Variants in MICU1 observed in about 807,000 individuals in gnomAD.
MICU1 encodes the protein mitochondrial calcium uptake 1.
A neutral mutation model predicts 56.8 loss-of-function variants in MICU1; 45 were observed. The ratio of observed to expected loss-of-function variants is 0.79; its 90% CI spans 0.62 to 1.02. MICU1 has a LOEUF of 1.02. MICU1 is among the 50% of genes least tolerant of loss of function. The probability of loss-of-function intolerance (pLI) is 0.00; values close to 1 mark genes in which losing one functional copy is unlikely to be tolerated. For synonymous variants in MICU1, 186 were observed against 195.1 expected, an observed-to-expected ratio of 0.95 and a Z score of 0.39; for missense variants, 504 against 587.1, an observed-to-expected ratio of 0.86 and a Z score of 1.46.
chr10:72,540,371 T>C (rs1839743391), intron 4 of MICU1, among the ~76,000 whole-genome samples: 1 of 145,960 alleles, frequency 6.9e-6, no homozygotes, highest in African/African-American at 2.5e-5. Flanking sequence ...TTGTAATGAT[T>C]AAAAAAAAAA....
intron 1 of MICU1, among the ~76,000 whole-genome samples, chr10:72,612,423 G>T (rs947955096): frequency 6.6e-6 from 1 of 152,152 alleles, no homozygotes; most frequent in Non-Finnish European, 1.5e-5. Context: ...TTTTCCTATA[G>T]AGCATGAAAT....
At chr10:72,396,976 A>T (rs932944507) in intron 10 of MICU1, among the ~76,000 whole-genome samples, 3 of 152,324 alleles carry the variant, frequency 2.0e-5, no homozygotes, top group African/African-American at 7.2e-5. Flanking sequence ...CCCAAGACAC[A>T]GTTGTCAGAT....
chr10:72,579,266 G>A (rs1203085762), intron 1 of MICU1, among the ~76,000 whole-genome samples: 1 of 152,082 alleles, frequency 6.6e-6, no homozygotes, highest in Non-Finnish European at 1.5e-5. Context: ...CTGGAGGCCG[G>A]GGAGTCCAAG....
At chr10:72,525,891 A>G (rs761127801) in intron 5 of MICU1, among the ~76,000 whole-genome samples, 110 of 152,256 alleles carry the variant, frequency 7.2e-4, no homozygotes, top group Non-Finnish European at 1.2e-3. Context: ...GTCTATATCC[A>G]AAGTCCACAC....
At chr10:72,519,126 CAAATGA>C (rs1392758467) in intron 5 of MICU1, among the ~76,000 whole-genome samples, 8 of 152,200 alleles carry the variant, frequency 5.3e-5, no homozygotes, top group Non-Finnish European at 1.0e-4. Context: ...GAATGCAGGT[CAAATGA>C]CAAGAATAGC....
In MICU1 at chr10:72,449,008, C is replaced by CA. The variant is rs367990725; in HGVS notation, c.934-25638dup. ...GGAGTGCAGTGGTGTTATCATGGCT[C>CA]ACGTAGCCTCGACCTCCTGGGCTCA... On this transcript the variant is annotated intron_variant, in intron 8 of 11. Transcript: ENST00000361114. Among the ~76,000 whole-genome samples the CA allele has an allele frequency of 2.8e-3, 426 of 152,278 alleles. 3 individuals carry two copies. Among genetic ancestry groups the CA allele is most frequent in the African/African-American group, 9.7e-3 (402 of 41,552 alleles).
Position 72,430,329 on chromosome 10 carries a change from A to T in MICU1, c.934-6958T>A, listed in dbSNP as rs187152263. 3.2e-3 allele frequency among the ~76,000 whole-genome samples: 491 copies of T among 152,250 alleles called. 1 individual carries two copies. The highest frequency in any genetic ancestry group is 0.011 in the African/African-American group (474 of 41,542). ...CTCTGATAAACTTTTGCTGAACTTA[A>T]TTTTTCATCATTATTTTAGGAATTG... On this transcript the variant is annotated intron_variant, in intron 8 of 11. Coordinates refer to ENST00000361114, the MANE Select transcript of MICU1 (RefSeq NM_001195518.2).
intron 1 of MICU1, among the ~76,000 whole-genome samples, chr10:72,607,127 G>A (rs1466504030): frequency 1.3e-5 from 2 of 151,708 alleles, no homozygotes; most frequent in Admixed American, 1.3e-4. Flanking sequence ...GCTCACAGGA[G>A]GTCAGGAGTT....
At chr10:72,523,789 A>G in intron 5 of MICU1, 1 of 1,462,198 alleles carries the variant, frequency 6.8e-7, no homozygotes. Context: ...TCAAAGATCA[A>G]TTTAAAAAGT....
chr10:72,463,893 G>A (rs968218955), intron 8 of MICU1, among the ~76,000 whole-genome samples: 1 of 152,146 alleles, frequency 6.6e-6, no homozygotes, highest in Non-Finnish European at 1.5e-5. Context: ...CTTTACAGAT[G>A]TACCATTTTT....
chr10:72,397,534 A>G (rs191569003), intron 10 of MICU1, among the ~76,000 whole-genome samples: 3 of 152,338 alleles, frequency 2.0e-5, no homozygotes, highest in Admixed American at 6.5e-5. Context: ...TATTTAGGAG[A>G]CCCATCTCAT....
intron 8 of MICU1, among the ~76,000 whole-genome samples, chr10:72,474,258 CAAAAAAAAAAAAAAA>C (rs55978543): frequency 3.1e-4 from 19 of 60,730 alleles, no homozygotes; most frequent in Non-Finnish European, 3.6e-4. Context: ...AGGACTGTCT[CAAAAAAAAAAAAAAA>C]AAAAAAAAAA....
At chr10:72,431,035 G>A (rs1421123104) in intron 8 of MICU1, among the ~76,000 whole-genome samples, 1 of 151,374 alleles carries the variant, frequency 6.6e-6, no homozygotes, top group Non-Finnish European at 1.5e-5. Flanking sequence ...ATTTAACTGT[G>A]CTTCTTTCAT....
At chr10:72,421,689 C>CT (rs1204632628) in intron 9 of MICU1, among the ~76,000 whole-genome samples, 1 of 152,218 alleles carries the variant, frequency 6.6e-6, no homozygotes, top group Non-Finnish European at 1.5e-5. Context: ...TCAAAAAACT[C>CT]TAACTCATCT....
At chr10:72,579,610 T>TA (rs1026388490) in intron 1 of MICU1, among the ~76,000 whole-genome samples, 3 of 152,124 alleles carry the variant, frequency 2.0e-5, no homozygotes, top group Admixed American at 6.5e-5. Flanking sequence ...TGTTTTTTTT[T>TA]ACCATTAAGT....
At chr10:72,594,219 A>G (rs934373832) in intron 1 of MICU1, among the ~76,000 whole-genome samples, 2 of 152,242 alleles carry the variant, frequency 1.3e-5, no homozygotes, top group Non-Finnish European at 2.9e-5. Flanking sequence ...ACGTGGTCAC[A>G]TGATTTCTGA....
At chr10:72,533,594 G>GT (rs1195036757) in intron 5 of MICU1, 152 bp downstream of exon 5, 5 of 534,980 alleles carry the variant, frequency 9.3e-6, no homozygotes, top group Non-Finnish European at 1.6e-5. Context: ...TTCTGTAGAG[G>GT]TATGTAGAGG....
chr10:72,624,974 T>C (rs879109975), intron 1 of MICU1, among the ~76,000 whole-genome samples: 1 of 152,234 alleles, frequency 6.6e-6, no homozygotes, highest in Admixed American at 6.5e-5. Flanking sequence ...CTGACGTTTA[T>C]TATTTGTCAT....
intron 8 of MICU1, among the ~76,000 whole-genome samples, chr10:72,428,247 G>A (rs1415644781): frequency 1.3e-5 from 2 of 152,140 alleles, no homozygotes; most frequent in African/African-American, 4.8e-5. Context: ...TTAGAGTCTT[G>A]GTCCATAAGA....
Sources: gnomAD v4.1 joint callset for allele counts (sites outside exome capture counted in the v4.1 genomes callset) on GRCh38, gnomAD v4.1.1 for gene constraint, MANE v1.5 for transcripts, NCBI Gene and HGNC (gene_info 2026-07-23, HGNC 2026-07-21) for gene names.